The following ODAD2 variants were observed in gnomAD, a reference collection of about 807,000 sequenced individuals.
ODAD2 encodes the protein outer dynein arm-docking complex subunit 2.
A neutral mutation model predicts 106.8 loss-of-function variants in ODAD2; 89 were observed. The observed-to-expected ratio is 0.83, with a 90% CI of 0.70 to 0.99. The LOEUF (loss-of-function observed/expected upper bound fraction) is 0.99. ODAD2 is among the 50% of genes least tolerant of loss of function. ODAD2 has a pLI of 0.00. For synonymous variants in ODAD2, 404 were observed against 436.2 expected, an observed-to-expected ratio of 0.93 and a Z score of 0.92; for missense variants, 1,168 against 1,238.5, an observed-to-expected ratio of 0.94 and a Z score of 0.85.
At chr10:27,979,312 C>T (rs1485067128) in intron 7 of ODAD2, among the ~76,000 whole-genome samples, 1 of 150,812 alleles carries the variant, frequency 6.6e-6, no homozygotes, top group Non-Finnish European at 1.5e-5. Context: ...TCCAGGAAGT[C>T]CTAGCCACAG....
chr10:27,902,589 G>C (rs148127355), intron 17 of ODAD2, among the ~76,000 whole-genome samples: 4,757 of 152,074 alleles, frequency 0.031, 170 homozygotes, highest in East Asian at 0.16. Context: ...GAATCAAATA[G>C]ACACAATAAA....
intron 9 of ODAD2, among the ~76,000 whole-genome samples, chr10:27,967,554 A>C (rs1489397929): frequency 1.3e-5 from 2 of 151,792 alleles, no homozygotes; most frequent in Non-Finnish European, 2.9e-5. Flanking sequence ...GAAGCAACAC[A>C]TACCTCATCC....
intron 15 of ODAD2, 43 bp downstream of exon 15, chr10:27,936,683 G>A (rs1320438479): frequency 6.2e-7 from 1 of 1,608,054 alleles, no homozygotes; most frequent in Non-Finnish European, 8.5e-7. Flanking sequence ...AGGTGTTTCA[G>A]AAGCCGTATC....
rs569580668 is a variant in ODAD2 at position 27,869,714 on chromosome 10, T to C, written c.2611-7092A>G. Among the ~76,000 whole-genome samples, 33 of 152,134 alleles carry C rather than the reference T, an allele frequency of 2.2e-4. No individual in the cohort carries two copies. In the East Asian group the frequency reaches 5.4e-3, roughly 25 times the overall value. ...CATGTCCGGCTAATTTTTGTATTTTTAGTAGTGACAGGGTTTCACCATGTT... is the reference window on the plus strand; with the variant it reads ...CATGTCCGGCTAATTTTTGTATTTTCAGTAGTGACAGGGTTTCACCATGTT... On this transcript the variant is annotated intron_variant, in intron 17 of 19. Coordinates refer to ENST00000305242, the MANE Select transcript of ODAD2 (RefSeq NM_018076.5).
chr10:27,818,143 A>G (rs1314622043), intron 19 of ODAD2, among the ~76,000 whole-genome samples: 2 of 151,236 alleles, frequency 1.3e-5, no homozygotes, highest in Non-Finnish European at 2.9e-5. Flanking sequence ...CCTGATATTC[A>G]TATGTCTCTA....
intron 17 of ODAD2, among the ~76,000 whole-genome samples, chr10:27,865,955 A>G (rs1229343825): frequency 2.6e-5 from 4 of 152,256 alleles, no homozygotes; most frequent in African/African-American, 7.2e-5. Context: ...GATAGTTAGG[A>G]CATACTTCTA....
intron 14 of ODAD2, among the ~76,000 whole-genome samples, chr10:27,938,414 A>G (rs1052531298): frequency 5.3e-5 from 8 of 152,154 alleles, no homozygotes; most frequent in Admixed American, 2.6e-4. Flanking sequence ...GCAGCCGTCT[A>G]CAAGCTGAGG....
chr10:27,944,730 C>G (rs970098270), intron 11 of ODAD2, 86 bp downstream of exon 11: 1 of 1,519,924 alleles, frequency 6.6e-7, no homozygotes, highest in African/African-American at 1.4e-5. Context: ...AACCAGGCAA[C>G]GAGGCATGGC....
At chr10:27,958,638 TC>T (rs2132807292) in intron 10 of ODAD2, among the ~76,000 whole-genome samples, 1 of 152,332 alleles carries the variant, frequency 6.6e-6, no homozygotes, top group African/African-American at 2.4e-5. Flanking sequence ...CAGTTAAGTC[TC>T]CATGCCACAC....
intron 17 of ODAD2, among the ~76,000 whole-genome samples, chr10:27,867,935 C>A (rs1840566397): frequency 6.8e-6 from 1 of 147,806 alleles, no homozygotes; most frequent in Admixed American, 6.8e-5. Context: ...GGTGACAGAG[C>A]AAAACTCTGT....
rs760987566 is a variant in ODAD2, at chr10:27,812,596, G to T, written c.3051C>A (p.Asp1017Glu). 2 of 1,612,618 alleles carry T rather than the reference G, an allele frequency of 1.2e-6. No individual in the cohort carries two copies. The highest frequency in any genetic ancestry group is 1.1e-5 in the South Asian group (1 of 90,666). The change falls in exon 20 of 20, where the codon GAC becomes GAA. Residue 1017 changes from aspartate to glutamate, a missense_variant. Around this residue, in one of 3 missense-constraint regions of ODAD2, gnomAD observed 701 missense variants for 712.3 expected, o/e 0.98. Coordinates refer to ENST00000305242, the MANE Select transcript of ODAD2 (RefSeq NM_018076.5). The stretch of plus-strand genomic sequence containing the variant: ...CAGCTGCAGCTTCCTGGAGATCCTG[G>T]TCAGGGGACCCAACCATATCCAGTA... The part of the protein sequence containing the change: ...KLLLDMVGSP[D>E]QDLQEAAAGC...
intron 19 of ODAD2, among the ~76,000 whole-genome samples, chr10:27,837,976 G>A (rs1416497126): frequency 6.6e-6 from 1 of 151,974 alleles, no homozygotes; most frequent in African/African-American, 2.4e-5. Flanking sequence ...CCACGGCGAT[G>A]GATTGGGAAA....
intron 15 of ODAD2, among the ~76,000 whole-genome samples, chr10:27,935,817 C>CATATATACACACACATATGTATGCATAT (rs1845932701): frequency 6.6e-6 from 1 of 150,642 alleles, no homozygotes; most frequent in African/African-American, 2.5e-5. Flanking sequence ...TGTGTGCATA[C>CATATATACACACACATATGTATGCATAT]ATATATACAC....
intron 19 of ODAD2, among the ~76,000 whole-genome samples, chr10:27,816,714 G>A (rs1836161814): frequency 1.3e-5 from 2 of 152,174 alleles, no homozygotes; most frequent in Admixed American, 6.5e-5. Context: ...GTATGACCAT[G>A]GGAATGTAGG....
intron 19 of ODAD2, among the ~76,000 whole-genome samples, chr10:27,833,828 G>A (rs1489786360): frequency 2.0e-5 from 3 of 152,212 alleles, no homozygotes; most frequent in Non-Finnish European, 4.4e-5. Context: ...CAAGTCCTGG[G>A]CGACTACAGA....
intron 19 of ODAD2, among the ~76,000 whole-genome samples, chr10:27,840,244 T>A (rs1838209127): frequency 6.6e-6 from 1 of 152,204 alleles, no homozygotes; most frequent in Admixed American, 6.5e-5. Context: ...TTAAAACAAC[T>A]GCAATAACAA....
At chr10:27,990,895 A>G (rs1195608943) in intron 2 of ODAD2, among the ~76,000 whole-genome samples, 2 of 152,192 alleles carry the variant, frequency 1.3e-5, no homozygotes, top group African/African-American at 2.4e-5. Flanking sequence ...GTGAGATTTA[A>G]AAATAAAATA....
intron 17 of ODAD2, among the ~76,000 whole-genome samples, chr10:27,902,876 G>A (rs1220485178): frequency 1.3e-5 from 2 of 152,110 alleles, no homozygotes; most frequent in Non-Finnish European, 2.9e-5. Flanking sequence ...GGTACAAAGA[G>A]GAGCTGGGAC....
intron 7 of ODAD2, 69 bp from the exon 8 acceptor site, chr10:27,971,382 C>A: frequency 7.6e-7 from 1 of 1,311,664 alleles, no homozygotes. Context: ...AAGATTAATG[C>A]CAGTGGTAAA....
Sources: gnomAD v4.1 joint callset for allele counts (sites outside exome capture counted in the v4.1 genomes callset) on GRCh38, gnomAD v4.1.1 for gene constraint, gnomAD v4.1.1 regional missense constraint, MANE v1.5 for transcripts, NCBI Gene and HGNC (gene_info 2026-07-23, HGNC 2026-07-21) for gene names.